The following ANO5 variants were observed in gnomAD, a reference collection of about 807,000 sequenced individuals.
ANO5 encodes the protein anoctamin 5.
In ANO5, 109 loss-of-function variants were observed where a neutral mutation model predicts 121.0. That is an observed-to-expected ratio of 0.90 (90% CI 0.77 to 1.06). The LOEUF (loss-of-function observed/expected upper bound fraction) is 1.06. Ranked by LOEUF, ANO5 falls within the 50% of genes least tolerant of loss-of-function variation. The pLI is 0.00. For synonymous variants in ANO5, 406 were observed against 359.9 expected (o/e 1.13, Z -1.45); for missense variants, 1,064 against 1,078.5 (o/e 0.99, Z 0.19).
intron 1 of ANO5, among the ~76,000 whole-genome samples, chr11:22,199,379 C>T (rs1282277581): frequency 2.6e-5 from 4 of 152,194 alleles, no homozygotes; most frequent in East Asian, 1.9e-4. Context: ...ATGTCATACT[C>T]TTGCAATGGA....
chr11:22,274,322 CAG>C (rs1854749087), intron 19 of ANO5, among the ~76,000 whole-genome samples: 1 of 152,036 alleles, frequency 6.6e-6, no homozygotes, highest in Non-Finnish European at 1.5e-5. Context: ...TTCGTAGAGA[CAG>C]ATACATTTCG....
intron 12 of ANO5, among the ~76,000 whole-genome samples, chr11:22,253,002 A>G (rs565458246): frequency 6.6e-6 from 1 of 152,264 alleles, no homozygotes; most frequent in East Asian, 1.9e-4. Context: ...CTCCTTTAGG[A>G]CAAACACCAT....
intron 2 of ANO5, among the ~76,000 whole-genome samples, chr11:22,210,303 A>AGAG (rs1852237570): frequency 6.7e-6 from 1 of 149,922 alleles, no homozygotes; most frequent in Admixed American, 6.6e-5. Context: ...TAAAGAACAC[A>AGAG]GAGAAATTAC....
intron 19 of ANO5, 103 bp downstream of exon 19, chr11:22,273,092 C>T: frequency 1.6e-6 from 2 of 1,228,388 alleles, no homozygotes; most frequent in Non-Finnish European, 2.4e-6. Context: ...TATGGTGATA[C>T]TTTATAAAGC....
chr11:22,252,046 A>G (rs1480922129), intron 12 of ANO5, among the ~76,000 whole-genome samples: 1 of 138,326 alleles, frequency 7.2e-6, no homozygotes, highest in South Asian at 2.2e-4. Context: ...AAAAAAAAAA[A>G]AAAAAAAAAA....
intron 9 of ANO5, among the ~76,000 whole-genome samples, chr11:22,245,406 T>C (rs1300401820): frequency 6.6e-6 from 1 of 152,234 alleles, no homozygotes; most frequent in Admixed American, 6.5e-5. Context: ...ATATGATTTA[T>C]AATTTGCTCT....
chr11:22,258,216 T>C (rs1854067626), intron 14 of ANO5, among the ~76,000 whole-genome samples: 1 of 152,224 alleles, frequency 6.6e-6, no homozygotes, highest in Non-Finnish European at 1.5e-5. Context: ...AGTTAGCATG[T>C]TGAAATATAA....
chr11:22,232,769 A>G (rs1284950741), intron 7 of ANO5, among the ~76,000 whole-genome samples: 2 of 151,934 alleles, frequency 1.3e-5, no homozygotes, highest in African/African-American at 4.8e-5. Flanking sequence ...CTGTTTTACC[A>G]TGCCACCTTT....
At chr11:22,260,087 G>C (rs948148356) in intron 15 of ANO5, among the ~76,000 whole-genome samples, 1 of 152,006 alleles carries the variant, frequency 6.6e-6, no homozygotes, top group African/African-American at 2.4e-5. Flanking sequence ...TCATGTGTAT[G>C]GTTCTTATAA....
intron 1 of ANO5, among the ~76,000 whole-genome samples, chr11:22,199,024 T>A (rs1851889234): frequency 6.6e-6 from 1 of 152,184 alleles, no homozygotes; most frequent in Non-Finnish European, 1.5e-5. Flanking sequence ...TAGATTTGTA[T>A]CTTTTACATG....
Position 22,236,284 on chromosome 11 carries a change from T to C in ANO5, c.762+8T>C. The stretch of plus-strand genomic sequence containing the variant: ...GCCTATCCACTCCATGATGTATGTA[T>C]AGGTTTGATTGTGAAAATCTGAGCT... On this transcript the variant is annotated splice_region_variant and intron_variant, in intron 8 of 21. Coordinates refer to ENST00000324559, the MANE Select transcript of ANO5 (RefSeq NM_213599.3). The C allele has an allele frequency of 1.3e-6, 2 of 1,591,662 alleles. No homozygotes were observed. The highest frequency in any genetic ancestry group is 1.7e-6 in the Non-Finnish European group (2 of 1,160,116).
At chr11:22,203,511 G>A (rs555971746) in intron 1 of ANO5, among the ~76,000 whole-genome samples, 156 of 152,180 alleles carry the variant, frequency 1.0e-3, no homozygotes, top group Admixed American at 3.8e-3. Flanking sequence ...TGGTTTTGTG[G>A]TTATAGGTTG....
At chr11:22,269,573 AAAAAAG>A (rs1304627983) in intron 17 of ANO5, among the ~76,000 whole-genome samples, 14 of 146,958 alleles carry the variant, frequency 9.5e-5, no homozygotes, top group African/African-American at 3.7e-4. Flanking sequence ...AAAGGAAAGA[AAAAAAG>A]AAAGAAAGAG....
intron 15 of ANO5, among the ~76,000 whole-genome samples, chr11:22,260,608 C>A (rs1363969470): frequency 2.0e-5 from 3 of 152,096 alleles, no homozygotes; most frequent in Non-Finnish European, 4.4e-5. Flanking sequence ...TTTAAAAGCA[C>A]CTAAAAACTC....
intron 1 of ANO5, among the ~76,000 whole-genome samples, chr11:22,202,546 A>G (rs1019855891): frequency 2.6e-5 from 4 of 152,128 alleles, no homozygotes; most frequent in Non-Finnish European, 5.9e-5. Flanking sequence ...TCTGGGTGCT[A>G]TGAAGTCTAA....
chr11:22,205,981 C>T (rs1852108901), intron 2 of ANO5, among the ~76,000 whole-genome samples: 1 of 152,052 alleles, frequency 6.6e-6, no homozygotes, highest in Admixed American at 6.6e-5. Flanking sequence ...TTTTTAAATT[C>T]CCCTGAAAGA....
chr11:22,238,279 T>TG (rs1491530700), intron 8 of ANO5, among the ~76,000 whole-genome samples: 2 of 16,420 alleles, frequency 1.2e-4, no homozygotes, highest in African/African-American at 2.1e-4. Context: ...GACCTCATAG[T>TG]TTTTTTTTTT....
chr11:22,220,542 T>G (rs539258469), intron 4 of ANO5, among the ~76,000 whole-genome samples: 1 of 152,172 alleles, frequency 6.6e-6, no homozygotes, highest in South Asian at 2.1e-4. Context: ...GCGAGTTGCA[T>G]GAAACCTAAC....
chr11:22,262,268 A>G lies in ANO5; in HGVS notation c.1770A>G (p.Thr590=). ...GKFVGYPGKY[T]YLFNEWRSEE... ...TCGTAGGCTATCCTGGAAAATACAC[A>G]TATTTATTTAATGAGTGGAGAAGTG... Residue 590 remains threonine (T), a synonymous_variant, in exon 16 of 22, where the codon ACA becomes ACG. Transcript: ENST00000324559. 6.2e-7 allele frequency: 1 copy of G among 1,613,844 alleles called. No individual in the cohort carries two copies. Among genetic ancestry groups the G allele is most frequent in the Non-Finnish European group, 8.5e-7 (1 of 1,179,936 alleles).
Sources: allele counts gnomAD v4.1 joint callset (sites outside exome capture counted in the v4.1 genomes callset), GRCh38; gene constraint gnomAD v4.1.1; transcripts MANE v1.5; gene names NCBI Gene and HGNC (gene_info 2026-07-23, HGNC 2026-07-21).